FLACC1: variants seen among roughly 807,000 people sequenced by gnomAD.
FLACC1 encodes flagellum associated containing coiled-coil domains 1, also known as flagellum-associated coiled-coil domain-containing protein 1.
In FLACC1, 66 loss-of-function variants were observed where a neutral mutation model predicts 62.8. The ratio of observed to expected loss-of-function variants is 1.05; its 90% CI spans 0.86 to 1.29. FLACC1 has a LOEUF of 1.29. Among genes scored for constraint, FLACC1 ranks in the 50% most tolerant of loss-of-function variants. The pLI, the probability that FLACC1 is intolerant of heterozygous loss-of-function variation, is 0.00. For synonymous variants in FLACC1, 156 were observed against 161.0 expected (o/e 0.97, Z 0.24); for missense variants, 452 against 489.1 (o/e 0.92, Z 0.71).
chr2:201,342,967 G>T (rs915927315), intron 6 of FLACC1, among the ~76,000 whole-genome samples: 28 of 152,198 alleles, frequency 1.8e-4, no homozygotes, highest in African/African-American at 6.5e-4. Context: ...CCTCTGGCCA[G>T]TGTCTCAGGA....
Position 201,307,461 on chromosome 2 carries a change from C to T in FLACC1, c.879+58G>A, listed in dbSNP as rs567028343. The T allele has an allele frequency of 1.1e-4, 145 of 1,315,922 alleles. 1 individual carries two copies. The African/African-American group carries it at 1.8e-3, about 17-fold the overall frequency. The allele number at this position is 1,315,922 out of a possible 1,614,324, so 81.5% of individuals were successfully genotyped here. A position where few individuals can be genotyped will look rare whatever the true frequency, so the allele number is the denominator to read the frequency against. On this transcript the variant is annotated intron_variant, in intron 11 of 14. Transcript: ENST00000392257. The stretch of plus-strand genomic sequence containing the variant: ...CTAATTATGGAGGCACACCTGGGGA[C>T]TTGGGTGTACCACCTGGACTACCCA...
chr2:201,347,486 T>C (rs995245648), intron 4 of FLACC1, among the ~76,000 whole-genome samples: 2 of 152,208 alleles, frequency 1.3e-5, no homozygotes, highest in Non-Finnish European at 2.9e-5. Flanking sequence ...TATATTTTTT[T>C]CCCTAACCAT....
chr2:201,343,154 T>G (rs1950845522), intron 6 of FLACC1, among the ~76,000 whole-genome samples: 1 of 152,184 alleles, frequency 6.6e-6, no homozygotes, highest in Non-Finnish European at 1.5e-5. Context: ...CACTACTCCC[T>G]TCCACAGGGC....
In FLACC1 at chr2:201,346,108, T is replaced by A. The variant is rs552103289; in HGVS notation, c.368+434A>T. ...TAAACCTGGGAGGCAGAAGTTGCAG[T>A]GAGCTGAGATCGTGCCACTAAACTC... On this transcript the variant is annotated intron_variant, in intron 5 of 14. Coordinates refer to ENST00000392257, the MANE Select transcript of FLACC1 (RefSeq NM_001127391.3). This position sits in a 1 kb window ranked among gnomAD's most constrained non-coding sequence, Gnocchi z 4.0. Among the ~76,000 whole-genome samples the A allele has an allele frequency of 4.6e-5, 7 of 152,146 alleles. No homozygotes were observed. The South Asian group carries it at 1.5e-3, about 32-fold the overall frequency.
intron 11 of FLACC1, among the ~76,000 whole-genome samples, chr2:201,301,730 C>T (rs1368619409): frequency 3.3e-5 from 5 of 152,218 alleles, no homozygotes. Context: ...AACAGTGGAT[C>T]TCTCGGCAGA....
chr2:201,304,529 G>A (rs921752797), intron 11 of FLACC1, among the ~76,000 whole-genome samples: 6 of 152,144 alleles, frequency 3.9e-5, no homozygotes, highest in Non-Finnish European at 8.8e-5. Context: ...CAGATTCAAT[G>A]CCATCCCCAT....
chr2:201,304,302 G>A (rs914839321), intron 11 of FLACC1, among the ~76,000 whole-genome samples: 10 of 152,058 alleles, frequency 6.6e-5, no homozygotes, highest in African/African-American at 2.2e-4. Flanking sequence ...CAAACAGAGA[G>A]CCAAATCATG....
Position 201,307,516 on chromosome 2 carries a change from T to A in FLACC1, c.879+3A>T. ...ATCACCAAGGTGCTTTGGGCTGAGT[T>A]ACCTCCTTCTCTTGAATGAAGTTCT... On this transcript the variant is annotated splice_donor_region_variant and intron_variant, in intron 11 of 14. Coordinates refer to ENST00000392257, the MANE Select transcript of FLACC1 (RefSeq NM_001127391.3). 1 of 1,612,862 alleles carries A rather than the reference T, an allele frequency of 6.2e-7. No individual in the cohort carries two copies. The highest frequency in any genetic ancestry group is 8.5e-7 in the Non-Finnish European group (1 of 1,178,832).
At chr2:201,357,483 A>G (rs1270660474), upstream of FLACC1, 1 of 152,258 alleles carries the variant, frequency 6.6e-6, no homozygotes, top group African/African-American at 2.4e-5. Context: ...TAAATTCTCC[A>G]AGACACAAAT....
At chr2:201,291,615 G>A (rs1576405462) in intron 12 of FLACC1, among the ~76,000 whole-genome samples, 2 of 152,340 alleles carry the variant, frequency 1.3e-5, no homozygotes, top group East Asian at 3.9e-4. Flanking sequence ...AAAAATCAGA[G>A]TGCCTCTCCT....
intron 11 of FLACC1, among the ~76,000 whole-genome samples, chr2:201,303,492 A>G (rs7572045): frequency 0.057 from 8,632 of 152,256 alleles, 689 homozygotes; most frequent in African/African-American, 0.17. Flanking sequence ...GCCGAATTCT[A>G]CCAGAGGTAC....
intron 2 of FLACC1, 148 bp downstream of exon 2, chr2:201,351,144 G>C (rs1463111521): frequency 2.8e-6 from 2 of 711,710 alleles, no homozygotes; most frequent in Non-Finnish European, 4.7e-6. Context: ...CAGCCAACCA[G>C]CTGGCAGGGA....
intron 9 of FLACC1, 74 bp from the exon 10 acceptor site, chr2:201,309,324 A>T (rs977088564): frequency 3.6e-6 from 4 of 1,120,052 alleles, no homozygotes; most frequent in Non-Finnish European, 5.4e-6. Context: ...GTAAAACTCA[A>T]CTCAGGGAGG....
At chr2:201,331,130 A>T (rs1443160312) in intron 7 of FLACC1, among the ~76,000 whole-genome samples, 1 of 151,580 alleles carries the variant, frequency 6.6e-6, no homozygotes, top group South Asian at 2.1e-4. Flanking sequence ...CACCATGCTC[A>T]TCTAATTTTT....
chr2:201,294,923 T>C (rs1315901676), intron 12 of FLACC1, among the ~76,000 whole-genome samples: 5 of 152,140 alleles, frequency 3.3e-5, no homozygotes, highest in Admixed American at 2.6e-4. Context: ...CCATTCACAA[T>C]TGCTTCAAAG....
chr2:201,349,215 A>T (rs1269065276), intron 3 of FLACC1, among the ~76,000 whole-genome samples: 1 of 152,194 alleles, frequency 6.6e-6, no homozygotes, highest in Non-Finnish European at 1.5e-5. Context: ...CGCTCCGCTC[A>T]TGCCACACTG....
At chr2:201,333,464 T>G (rs966901432) in intron 7 of FLACC1, among the ~76,000 whole-genome samples, 1 of 152,152 alleles carries the variant, frequency 6.6e-6, no homozygotes, top group East Asian at 1.9e-4. Flanking sequence ...GCAGGTTAGT[T>G]ACATATGTAT....
chr2:201,351,195 C>G, intron 2 of FLACC1, 97 bp downstream of exon 2: 1 of 1,114,128 alleles, frequency 9.0e-7, no homozygotes, highest in Non-Finnish European at 1.3e-6. Context: ...CTGGGATTTT[C>G]CTGCCACACT....
intron 9 of FLACC1, 142 bp downstream of exon 9, chr2:201,330,328 G>T (rs1056876125): frequency 1.4e-6 from 1 of 708,376 alleles, no homozygotes; most frequent in Non-Finnish European, 2.2e-6. Flanking sequence ...CTCCCCCTGG[G>T]TGCAGCTAGT....
Sources: allele counts gnomAD v4.1 joint callset (sites outside exome capture counted in the v4.1 genomes callset), GRCh38; gene constraint gnomAD v4.1.1; non-coding constraint Gnocchi (gnomAD v3.1); transcripts MANE v1.5; gene names NCBI Gene and HGNC (gene_info 2026-07-23, HGNC 2026-07-21).